NOS1AP: variants seen among roughly 807,000 people sequenced by gnomAD.
NOS1AP encodes nitric oxide synthase 1 adaptor protein.
NOS1AP carries 21 observed loss-of-function variants against 56.2 expected under a neutral mutation model. The observed-to-expected ratio is 0.37, with a 90% confidence interval of 0.26 to 0.54. The LOEUF (loss-of-function observed/expected upper bound fraction) is 0.54. Among genes scored for constraint, NOS1AP ranks in the 20% least tolerant of loss-of-function variants. The pLI is 0.84. For synonymous variants in NOS1AP, 270 were observed against 274.6 expected (o/e 0.98, Z 0.17); for missense variants, 522 against 657.8 (o/e 0.79, Z 2.26).
chr1:162,123,452 G>A (rs1361187814), intron 1 of NOS1AP, among the ~76,000 whole-genome samples: 2 of 152,278 alleles, frequency 1.3e-5, no homozygotes, highest in East Asian at 1.9e-4. Flanking sequence ...GATTACAGGT[G>A]TGGGCCACTG....
intron 1 of NOS1AP, among the ~76,000 whole-genome samples, chr1:162,073,801 C>G (rs1361574699): frequency 6.6e-6 from 1 of 152,218 alleles, no homozygotes; most frequent in Non-Finnish European, 1.5e-5. Flanking sequence ...TCCCTTTGGG[C>G]TGAGAGCTGC....
chr1:162,274,039 T>A (rs1214179327), intron 2 of NOS1AP, among the ~76,000 whole-genome samples: 3 of 152,210 alleles, frequency 2.0e-5, no homozygotes, highest in Admixed American at 2.0e-4. Context: ...TGTACAGGTC[T>A]TTGTGGGAAC....
chr1:162,272,297 A>C (rs1031448396), intron 2 of NOS1AP, among the ~76,000 whole-genome samples: 1 of 152,166 alleles, frequency 6.6e-6, no homozygotes, highest in Non-Finnish European at 1.5e-5. Context: ...TTTATCCCAC[A>C]ACAACCTCCT....
intron 2 of NOS1AP, among the ~76,000 whole-genome samples, chr1:162,223,029 G>T (rs766942355): frequency 2.4e-4 from 36 of 152,180 alleles, no homozygotes; most frequent in Non-Finnish European, 4.6e-4. Context: ...TGGTAATAAT[G>T]CAGTCTTAGC....
At chr1:162,077,245 A>G (rs1691789325) in intron 1 of NOS1AP, among the ~76,000 whole-genome samples, 1 of 152,014 alleles carries the variant, frequency 6.6e-6, no homozygotes, top group Non-Finnish European at 1.5e-5. Context: ...TTTTGATTCT[A>G]GCCATCCTCC....
chr1:162,366,148 C>T (rs563483149), intron 9 of NOS1AP, among the ~76,000 whole-genome samples: 1 of 152,272 alleles, frequency 6.6e-6, no homozygotes, highest in South Asian at 2.1e-4. Flanking sequence ...ACACTCAGTA[C>T]CCCTGGGCTG....
chr1:162,224,609 C>G, intron 2 of NOS1AP, among the ~76,000 whole-genome samples: 1 of 152,142 alleles, frequency 6.6e-6, no homozygotes, highest in East Asian at 1.9e-4. Context: ...TGATGGAAAG[C>G]TTTACTTTAA....
At chr1:162,157,338 T>C (rs113460832) in intron 2 of NOS1AP, among the ~76,000 whole-genome samples, 6 of 152,332 alleles carry the variant, frequency 3.9e-5, no homozygotes, top group African/African-American at 1.4e-4. Context: ...CCACCATTAA[T>C]AGCAAGTGCC....
At chr1:162,317,845 C>G (rs1656280444) in intron 4 of NOS1AP, 1 of 152,198 alleles carries the variant, frequency 6.6e-6, no homozygotes, top group Non-Finnish European at 1.5e-5. Flanking sequence ...TTACAACAGC[C>G]CTTGCTTTTT....
At position 162,083,296 on chromosome 1, in the gene NOS1AP, G is replaced by A. The variant is rs1691931997; in HGVS notation, c.105+13014G>A. 2.0e-5 allele frequency among the ~76,000 whole-genome samples: 3 copies of A among 152,200 alleles called. No individual in the cohort carries two copies. In the South Asian group the frequency reaches 6.2e-4, roughly 32 times the overall value. ...TGTAGAAGCATTTTATTGTTCTGCG[G>A]AGAGGAAGATTCATGTCTCCTGTGG... On this transcript the variant is annotated intron_variant, in intron 1 of 9. Coordinates refer to ENST00000361897, the MANE Select transcript of NOS1AP (RefSeq NM_014697.3).
chr1:162,246,049 G>A (rs1021323647), intron 2 of NOS1AP, among the ~76,000 whole-genome samples: 2 of 152,168 alleles, frequency 1.3e-5, no homozygotes, highest in Non-Finnish European at 2.9e-5. Flanking sequence ...TGCCCTTAGG[G>A]CTACAATTCT....
At chr1:162,155,522 G>C (rs538760459) in intron 2 of NOS1AP, among the ~76,000 whole-genome samples, 1 of 151,408 alleles carries the variant, frequency 6.6e-6, no homozygotes, top group African/African-American at 2.4e-5. Context: ...TGTGAGATTT[G>C]AACAAAATTT....
intron 2 of NOS1AP, among the ~76,000 whole-genome samples, chr1:162,210,698 C>T (rs1571130078): frequency 1.3e-5 from 2 of 152,224 alleles, no homozygotes; most frequent in East Asian, 3.8e-4. Flanking sequence ...TCCTCCTTCT[C>T]CTGGGCTGCC....
At position 162,072,989 on chromosome 1, in the gene NOS1AP, T is replaced by C. The variant is rs564529838; in HGVS notation, c.105+2707T>C. 1.1e-3 allele frequency among the ~76,000 whole-genome samples: 169 copies of C among 152,320 alleles called. 3 individuals carry two copies. The Middle Eastern group carries it at 0.021, about 19-fold the overall frequency. Reference sequence around the variant, plus strand: ...GGCTGGCAGTTTTTCAGAATCAACATTGGATTGAGTGTTCCTTTGGAAGTA... The same window carrying C: ...GGCTGGCAGTTTTTCAGAATCAACACTGGATTGAGTGTTCCTTTGGAAGTA... On this transcript the variant is annotated intron_variant, in intron 1 of 9. Coordinates refer to ENST00000361897, the MANE Select transcript of NOS1AP (RefSeq NM_014697.3).
chr1:162,357,847 C>T (rs761876770), intron 8 of NOS1AP, among the ~76,000 whole-genome samples: 1 of 151,886 alleles, frequency 6.6e-6, no homozygotes, highest in Non-Finnish European at 1.5e-5. Context: ...AGGGATTCTT[C>T]TTGTTTGCTT....
At chr1:162,200,928 G>A (rs887705886) in intron 2 of NOS1AP, among the ~76,000 whole-genome samples, 17 of 152,188 alleles carry the variant, frequency 1.1e-4, no homozygotes, top group African/African-American at 4.1e-4. Flanking sequence ...TTTATTCTAA[G>A]TTGAGTCCAT....
intron 1 of NOS1AP, among the ~76,000 whole-genome samples, chr1:162,135,597 G>C (rs1330855086): frequency 1.3e-5 from 2 of 152,166 alleles, no homozygotes; most frequent in Non-Finnish European, 2.9e-5. Flanking sequence ...TCTGTGCAGG[G>C]AGGTTGCAGA....
intron 2 of NOS1AP, among the ~76,000 whole-genome samples, chr1:162,232,733 A>C (rs922917393): frequency 6.6e-6 from 1 of 152,194 alleles, no homozygotes; most frequent in Non-Finnish European, 1.5e-5. Flanking sequence ...TATTAAAAAA[A>C]TTTTAAAGCA....
intron 3 of NOS1AP, 37 bp downstream of exon 3, chr1:162,287,473 A>G: frequency 7.1e-7 from 1 of 1,405,318 alleles, no homozygotes; most frequent in Admixed American, 1.7e-5. Flanking sequence ...GGTGAAGAGG[A>G]AAGCAGGGGA....
Sources: gnomAD v4.1 joint callset for allele counts (sites outside exome capture counted in the v4.1 genomes callset) on GRCh38, gnomAD v4.1.1 for gene constraint, MANE v1.5 for transcripts, NCBI Gene and HGNC (gene_info 2026-07-23, HGNC 2026-07-21) for gene names.